SLC44A5: variants seen among roughly 807,000 people sequenced by gnomAD.
The protein encoded by SLC44A5 is solute carrier family 44 member 5.
In SLC44A5, 57 loss-of-function variants were observed where a neutral mutation model predicts 101.8. That is an observed-to-expected ratio of 0.56 (90% confidence interval 0.45 to 0.70). The LOEUF is 0.70. Among genes scored for constraint, SLC44A5 ranks in the 30% least tolerant of loss-of-function variants. The pLI, the probability that SLC44A5 is intolerant of heterozygous loss-of-function variation, is 0.00. For missense variants in SLC44A5, 737 were observed against 853.1 expected, an observed-to-expected ratio of 0.86 and a Z score of 1.70; for synonymous variants, 281 against 290.9, an observed-to-expected ratio of 0.97 and a Z score of 0.35.
At chr1:75,629,368 A>G in the SLC44A5 span, among the ~76,000 whole-genome samples, 9,979 of 152,268 alleles carry the variant, frequency 0.066, 1,054 homozygotes, top group African/African-American at 0.22. Context: ...TTTAAAGCAA[A>G]CAAAGAATCT....
the SLC44A5 span, among the ~76,000 whole-genome samples, chr1:75,709,178 C>G: frequency 3.3e-5 from 5 of 152,178 alleles, no homozygotes; most frequent in East Asian, 7.7e-4. Context: ...AACCTATAAC[C>G]AAATATACAC....
At chr1:75,594,892 T>G (rs1674550511) in intron 1 of SLC44A5, among the ~76,000 whole-genome samples, 1 of 151,890 alleles carries the variant, frequency 6.6e-6, no homozygotes, top group African/African-American at 2.4e-5. Flanking sequence ...TGAGGGTAGA[T>G]AAAGTCAATA....
At chr1:75,304,995 T>C (rs1252798020) in intron 4 of SLC44A5, among the ~76,000 whole-genome samples, 1 of 152,242 alleles carries the variant, frequency 6.6e-6, no homozygotes. Context: ...TGTGTTTCTC[T>C]GGCATAAAAG....
At chr1:75,698,606 C>T in the SLC44A5 span, among the ~76,000 whole-genome samples, 2,319 of 152,310 alleles carry the variant, frequency 0.015, 13 homozygotes, top group African/African-American at 0.051. Context: ...CTCTCCTCCT[C>T]CAAAGGAACG....
At chr1:75,315,759 C>A (rs1007382379) in intron 4 of SLC44A5, among the ~76,000 whole-genome samples, 3 of 152,120 alleles carry the variant, frequency 2.0e-5, no homozygotes, top group Non-Finnish European at 4.4e-5. Flanking sequence ...TGTTCCAAAT[C>A]GAACTTACTA....
chr1:75,301,889 G>T (rs986585475), intron 4 of SLC44A5, among the ~76,000 whole-genome samples: 1 of 152,050 alleles, frequency 6.6e-6, no homozygotes, highest in Admixed American at 6.6e-5. Context: ...TTTCTGCAAG[G>T]TTTTAAAATA....
At chr1:75,409,799 G>C (rs1352847847) in intron 2 of SLC44A5, among the ~76,000 whole-genome samples, 1 of 152,084 alleles carries the variant, frequency 6.6e-6, no homozygotes, top group South Asian at 2.1e-4. Context: ...ATGTAGGGCA[G>C]GAGTCTCCCA....
intron 5 of SLC44A5, among the ~76,000 whole-genome samples, chr1:75,278,285 C>T (rs1206378369): frequency 6.6e-6 from 1 of 151,948 alleles, no homozygotes; most frequent in Non-Finnish European, 1.5e-5. Context: ...CCTTTATGCT[C>T]TTAAATGTAG....
the SLC44A5 span, among the ~76,000 whole-genome samples, chr1:75,675,619 A>T: frequency 6.6e-6 from 1 of 152,208 alleles, no homozygotes; most frequent in Non-Finnish European, 1.5e-5. Context: ...ATATCTAGGC[A>T]ATAACATTCA....
the SLC44A5 span, chr1:75,677,896 T>G: frequency 9.1e-6 from 3 of 329,822 alleles, no homozygotes; most frequent in Admixed American, 4.7e-5. Flanking sequence ...CGCAGGTCAG[T>G]GGGTGCACGC....
chr1:75,501,202 G>A (rs1668940759), intron 2 of SLC44A5, among the ~76,000 whole-genome samples: 2 of 152,026 alleles, frequency 1.3e-5, no homozygotes, highest in Admixed American at 6.6e-5. Context: ...ACATAATAAA[G>A]GCATAATACA....
intron 1 of SLC44A5, among the ~76,000 whole-genome samples, chr1:75,588,316 G>A (rs1242230627): frequency 1.3e-5 from 2 of 151,750 alleles, no homozygotes; most frequent in Non-Finnish European, 2.9e-5. Context: ...AAGGGATGGA[G>A]TAAAGAAGGG....
At chr1:75,221,132 G>A (rs1647070497) in intron 14 of SLC44A5, among the ~76,000 whole-genome samples, 2 of 152,160 alleles carry the variant, frequency 1.3e-5, no homozygotes, top group Admixed American at 6.5e-5. Context: ...TTGTGGGAAG[G>A]AGAGAGAGTT....
intron 10 of SLC44A5, 99 bp from the exon 11 acceptor site, chr1:75,237,169 A>G: frequency 1.5e-6 from 1 of 665,294 alleles, no homozygotes; most frequent in Non-Finnish European, 2.6e-6. Context: ...TGCTGTTGAA[A>G]GCATGTTTTC....
intron 2 of SLC44A5, among the ~76,000 whole-genome samples, chr1:75,504,859 T>A (rs888928527): frequency 1.3e-5 from 2 of 152,148 alleles, no homozygotes; most frequent in Non-Finnish European, 2.9e-5. Flanking sequence ...CAACTTTTAT[T>A]TTAGATTCAA....
chr1:75,397,135 C>A (rs1275268250), intron 2 of SLC44A5, among the ~76,000 whole-genome samples: 2 of 152,114 alleles, frequency 1.3e-5, no homozygotes, highest in Non-Finnish European at 2.9e-5. Context: ...CTACGTGTGG[C>A]CTTTAGCTTT....
At chr1:75,332,617 G>A (rs1251206560) in intron 4 of SLC44A5, among the ~76,000 whole-genome samples, 1 of 152,066 alleles carries the variant, frequency 6.6e-6, no homozygotes, top group East Asian at 1.9e-4. Flanking sequence ...TTGGAGGGGT[G>A]GTAAGTTCAC....
chr1:75,215,644 A>T, intron 19 of SLC44A5, 110 bp downstream of exon 19: 1 of 638,184 alleles, frequency 1.6e-6, no homozygotes, highest in Non-Finnish European at 2.8e-6. Flanking sequence ...ATATCAGCAT[A>T]GTGATAAATT....
Position 75,219,319 on chromosome 1 carries a change from C to G in SLC44A5, c.1204G>C (p.Val402Leu). 6.2e-7 allele frequency: 1 copy of G among 1,612,940 alleles called. No individual in the cohort carries two copies. Among genetic ancestry groups the G allele is most frequent in the Admixed American group, 1.7e-5 (1 of 59,986 alleles). ...AVFLATSGVP[V>L]YKVIAPGGHC... is the part of the protein sequence containing the mutation. ...CCCCCTGGAGCTATGACTTTGTATACAGGTACCCCCGATGTCGCCAAGAAA... is the reference window on the plus strand; with the variant it reads ...CCCCCTGGAGCTATGACTTTGTATAGAGGTACCCCCGATGTCGCCAAGAAA... Residue 402 changes from valine to leucine, a missense_variant, in exon 16 of 24, where the codon GTA becomes CTA. By Grantham distance (32) the Val-to-Leu change is conservative. Transcript: ENST00000370859.
Sources: gnomAD v4.1 joint callset for allele counts (sites outside exome capture counted in the v4.1 genomes callset) on GRCh38, gnomAD v4.1.1 for gene constraint, MANE v1.5 for transcripts, NCBI Gene and HGNC (gene_info 2026-07-23, HGNC 2026-07-21) for gene names.